The following PACSIN1 variants were observed in gnomAD, a reference collection of about 807,000 sequenced individuals.
PACSIN1 encodes protein kinase C and casein kinase substrate in neurons protein 1.
PACSIN1 carries 15 observed loss-of-function variants against 59.5 expected under a neutral mutation model. The ratio of observed to expected loss-of-function variants is 0.25; its 90% CI spans 0.17 to 0.39. The LOEUF is 0.39. Among genes scored for constraint, PACSIN1 ranks in the 10% least tolerant of loss-of-function variants. The probability of loss-of-function intolerance (pLI) is 1.00; values close to 1 mark genes in which losing one functional copy is unlikely to be tolerated. For synonymous variants in PACSIN1, 210 were observed against 220.6 expected (o/e 0.95, Z 0.42); for missense variants, 420 against 580.2 (o/e 0.72, Z 2.84).
intron 1 of PACSIN1, among the ~76,000 whole-genome samples, chr6:34,512,047 A>G (rs553998655): frequency 6.6e-6 from 1 of 151,848 alleles, no homozygotes; most frequent in South Asian, 2.1e-4. Flanking sequence ...GTGTGTGTGT[A>G]TGCGTATGTG....
Position 34,535,044 on chromosome 6 carries a change from G to GC in PACSIN1, c.*2516dup, listed in dbSNP as rs1767670082. 6.5e-6 allele frequency: 1 copy of GC among 152,740 alleles called. No individual in the cohort carries two copies. Among genetic ancestry groups the GC allele is most frequent in the Admixed American group, 6.5e-5 (1 of 15,306 alleles). 9.5% of individuals were successfully genotyped at this position (152,740 alleles called of 1,614,324 possible). A position where few individuals can be genotyped will look rare whatever the true frequency, so the allele number is the denominator to read the frequency against. Reference sequence around the variant, plus strand: ...AGGGCTGCCCCACCGCCCGCCGTCTGCCGCCCTAGGCTTCCTGACTCCATT... The same window carrying GC: ...AGGGCTGCCCCACCGCCCGCCGTCTGCCCGCCCTAGGCTTCCTGACTCCATT... On this transcript the variant is annotated 3_prime_UTR_variant, in exon 10 of 10. Transcript: ENST00000244458.
At chr6:34,484,411 A>T (rs1766762887) in intron 1 of PACSIN1, among the ~76,000 whole-genome samples, 1 of 152,312 alleles carries the variant, frequency 6.6e-6, no homozygotes, top group Non-Finnish European at 1.5e-5. Flanking sequence ...AACTGTGGAG[A>T]TGGTAAAAAG....
intron 1 of PACSIN1, among the ~76,000 whole-genome samples, chr6:34,481,003 A>G (rs973522626): frequency 4.0e-5 from 6 of 151,292 alleles, no homozygotes; most frequent in African/African-American, 1.5e-4. Context: ...TATTCTCAGT[A>G]ATGCTCAAAT....
intron 3 of PACSIN1, 61 bp from the exon 4 acceptor site, chr6:34,528,581 G>A: frequency 1.6e-6 from 2 of 1,213,700 alleles, no homozygotes; most frequent in East Asian, 2.3e-5. Context: ...GAAGGGAGAT[G>A]TGAGGGGGGG....
At position 34,516,545 on chromosome 6, in the gene PACSIN1, C is replaced by A. The variant is rs1433315767; in HGVS notation, c.-63-9698C>A. Among the ~76,000 whole-genome samples the A allele has an allele frequency of 9.2e-5, 14 of 152,184 alleles. No individual in the cohort carries two copies. In the East Asian group the frequency reaches 2.5e-3, roughly 27 times the overall value. On this transcript the variant is annotated intron_variant, in intron 1 of 9. Transcript: ENST00000244458. This position sits in a 1 kb window ranked among gnomAD's most constrained non-coding sequence, Gnocchi z 5.4. The stretch of plus-strand genomic sequence containing the variant: ...GCCAGGCCTGCTGGCCTCAGTTGCC[C>A]GTCAGCGGCCGCCCCCACCTCCACT...
At chr6:34,481,046 A>G (rs12663061) in intron 1 of PACSIN1, among the ~76,000 whole-genome samples, 1,676 of 151,710 alleles carry the variant, frequency 0.011, 42 homozygotes, top group East Asian at 0.093. Context: ...AACTTCTTCA[A>G]GTGGACTCTT....
chr6:34,510,549 T>G (rs1767185836), intron 1 of PACSIN1, among the ~76,000 whole-genome samples: 1 of 152,166 alleles, frequency 6.6e-6, no homozygotes, highest in Non-Finnish European at 1.5e-5. Context: ...TACTCCCACC[T>G]CTAGGACATT....
chr6:34,499,273 G>C (rs1472094136), intron 1 of PACSIN1, among the ~76,000 whole-genome samples: 1 of 151,692 alleles, frequency 6.6e-6, no homozygotes, highest in Non-Finnish European at 1.5e-5. Context: ...TGCCAGACAG[G>C]AGGCAGAGCT....
chr6:34,481,461 T>C (rs987614380), intron 1 of PACSIN1, among the ~76,000 whole-genome samples: 6 of 151,986 alleles, frequency 3.9e-5, no homozygotes, highest in African/African-American at 1.4e-4. Context: ...GGCGGGAGGA[T>C]CACGAGGTCA....
Position 34,518,500 on chromosome 6 carries a change from C to T in PACSIN1, c.-63-7743C>T, listed in dbSNP as rs1279427190. Among the ~76,000 whole-genome samples the T allele has an allele frequency of 6.6e-6, 1 of 152,180 alleles. No individual in the cohort carries two copies. Among genetic ancestry groups the T allele is most frequent in the African/African-American group, 2.4e-5 (1 of 41,444 alleles). ...ATCTCACTTTGGGCTCCCCGAGAAGCCAACCCCAAGACAAGGATATGATTC... is the reference window on the plus strand; with the variant it reads ...ATCTCACTTTGGGCTCCCCGAGAAGTCAACCCCAAGACAAGGATATGATTC... On this transcript the variant is annotated intron_variant, in intron 1 of 9. Transcript: ENST00000244458. This position sits in a 1 kb window ranked among gnomAD's most constrained non-coding sequence, Gnocchi z 4.4.
chr6:34,530,587 G>A lies in PACSIN1; in HGVS notation c.1037G>A (p.Ser346Asn). ...ACATCCCAGGCTGGGGACCGCGGCA[G>A]GTGAGTGCCTCCTGTGGAGCTTCCT... The part of the protein sequence containing the change: ...ESTSQAGDRG[S>N]VSSYDRGQPY... Residue 346 changes from serine (S) to asparagine (N), a missense_variant and splice_region_variant, in exon 8 of 10, where the codon AGT becomes AAT. Coordinates refer to ENST00000244458, the MANE Select transcript of PACSIN1 (RefSeq NM_020804.5). The surrounding 1 kb of genome is among the most constrained non-coding windows in gnomAD (Gnocchi z 4.4). 1 of 1,570,330 alleles carries A rather than the reference G, an allele frequency of 6.4e-7. No homozygotes were observed. Among genetic ancestry groups the A allele is most frequent in the South Asian group, 1.2e-5 (1 of 84,828 alleles).
rs762059118 is a variant in PACSIN1, at chr6:34,527,320, C to T, written c.64-12C>T. On this transcript the variant is annotated splice_polypyrimidine_tract_variant and intron_variant, in intron 2 of 9. Transcript: ENST00000244458. ...GAACCCGCGGGAGTGGTGCTCGCTG[C>T]TTGGCCGCCAGGTGGGGAACTACAA... 4 of 1,552,122 alleles carry T rather than the reference C, an allele frequency of 2.6e-6. No homozygotes were observed. The South Asian group carries it at 3.6e-5, about 14-fold the overall frequency.
intron 1 of PACSIN1, among the ~76,000 whole-genome samples, chr6:34,523,372 C>T (rs1274196338): frequency 1.3e-5 from 2 of 152,266 alleles, no homozygotes; most frequent in Non-Finnish European, 2.9e-5. Flanking sequence ...GTCCCTGTTA[C>T]ATCCCGGAGC....
In PACSIN1 at chr6:34,490,574, T is replaced by A. The variant is rs147674800; in HGVS notation, c.-64+24304T>A. On this transcript the variant is annotated intron_variant, in intron 1 of 9. Coordinates refer to ENST00000244458, the MANE Select transcript of PACSIN1 (RefSeq NM_020804.5). ...GAGCGCCGCCACCTGGCCTCTTCCT[T>A]CAGGATCCTGTCATCCGCACTGTTG... is the stretch of plus-strand genomic sequence containing the variant. Among the ~76,000 whole-genome samples the A allele has an allele frequency of 6.6e-5, 10 of 152,234 alleles. No homozygotes were observed. In the East Asian group the frequency reaches 1.4e-3, roughly 21 times the overall value.
chr6:34,526,392 T>G (rs1767482430), intron 2 of PACSIN1, 24 bp downstream of exon 2: 1 of 1,604,002 alleles, frequency 6.2e-7, no homozygotes, highest in Non-Finnish European at 8.5e-7. Flanking sequence ...GATCCCCAGG[T>G]TCGGGGACCA....
intron 1 of PACSIN1, among the ~76,000 whole-genome samples, chr6:34,499,788 T>C (rs1263686649): frequency 6.6e-6 from 1 of 151,496 alleles, no homozygotes; most frequent in Non-Finnish European, 1.5e-5. Flanking sequence ...ACAGTGAAAC[T>C]TCGTCTCAAT....
chr6:34,499,992 A>G (rs1171180324), intron 1 of PACSIN1, among the ~76,000 whole-genome samples: 3 of 152,198 alleles, frequency 2.0e-5, no homozygotes, highest in African/African-American at 7.2e-5. Context: ...AATGGGAGAA[A>G]ATATTTGCAA....
chr6:34,489,953 T>C (rs1040104524), intron 1 of PACSIN1, among the ~76,000 whole-genome samples: 6 of 152,210 alleles, frequency 3.9e-5, no homozygotes, highest in Non-Finnish European at 7.3e-5. Flanking sequence ...GGACCTGGTC[T>C]CTCCTTCAGT....
intron 1 of PACSIN1, among the ~76,000 whole-genome samples, chr6:34,482,397 C>T (rs1171180257): frequency 6.6e-6 from 1 of 151,938 alleles, no homozygotes; most frequent in Non-Finnish European, 1.5e-5. Flanking sequence ...TGGCTTCTTT[C>T]ACTTAGTATA....
Sources: allele counts gnomAD v4.1 joint callset (sites outside exome capture counted in the v4.1 genomes callset), GRCh38; gene constraint gnomAD v4.1.1; non-coding constraint Gnocchi (gnomAD v3.1); transcripts MANE v1.5; gene names NCBI Gene and HGNC (gene_info 2026-07-23, HGNC 2026-07-21).